Variants in FAM131B observed in about 807,000 individuals in gnomAD.
The protein encoded by FAM131B is protein FAM131B.
In FAM131B, 19 loss-of-function variants were observed where a neutral mutation model predicts 42.0. That is an observed-to-expected ratio of 0.45 (90% confidence interval 0.32 to 0.66). FAM131B has a LOEUF of 0.66. Among genes scored for constraint, FAM131B ranks in the 30% least tolerant of loss-of-function variants. The probability of loss-of-function intolerance (pLI) is 0.05; values close to 1 mark genes in which losing one functional copy is unlikely to be tolerated. For missense variants in FAM131B, 370 were observed against 468.4 expected (o/e 0.79, Z 1.94); for synonymous variants, 183 against 177.6 (o/e 1.03, Z -0.24).
chr7:143,376,830 A>G, the FAM131B span, among the ~76,000 whole-genome samples: 2 of 152,220 alleles, frequency 1.3e-5, no homozygotes, highest in Non-Finnish European at 2.9e-5. Context: ...GGAAAAAGAT[A>G]CAACGGCTCT....
rs1210136936 is a variant in FAM131B at position 143,354,384 on chromosome 7, C to T, written c.*2166G>A. On this transcript the variant is annotated 3_prime_UTR_variant, in exon 7 of 7. Coordinates refer to ENST00000443739, the MANE Select transcript of FAM131B (RefSeq NM_001031690.3). ...AAACGAACTGTAATGAATGAACGCA[C>T]TCACTAGGTGAGCTGTCCACCGTGG... 1 of 152,230 alleles carries T rather than the reference C, an allele frequency of 6.6e-6. No individual in the cohort carries two copies. Among genetic ancestry groups the T allele is most frequent in the Non-Finnish European group, 1.5e-5 (1 of 68,078 alleles). The allele number at this position is 152,230 out of a possible 1,614,324, so 9.4% of individuals were successfully genotyped here.
upstream of FAM131B, among the ~76,000 whole-genome samples, chr7:143,363,622 C>T (rs1454691515): frequency 2.0e-5 from 3 of 152,112 alleles, no homozygotes; most frequent in Non-Finnish European, 4.4e-5. Flanking sequence ...GTTAAATGAG[C>T]ACTGTGGTTA....
Position 143,359,598 on chromosome 7 carries a change from G to T in FAM131B, c.174+134C>A. 2.0e-6 allele frequency: 2 copies of T among 1,013,560 alleles called. No individual in the cohort carries two copies. The highest frequency in any genetic ancestry group is 3.0e-6 in the Non-Finnish European group (2 of 655,784). 62.8% of individuals were successfully genotyped at this position (1,013,560 alleles called of 1,614,324 possible). A position where few individuals can be genotyped will look rare whatever the true frequency, so the allele number is the denominator to read the frequency against. On this transcript the variant is annotated intron_variant, in intron 3 of 6. Transcript: ENST00000443739. The surrounding 1 kb of genome is among the most constrained non-coding windows in gnomAD (Gnocchi z 5.4). ...ATCCCCAGTGCTCTGGAAAACTGGG[G>T]CACAGGTTGAGAACGTGAGTGCTCA... is the stretch of plus-strand genomic sequence containing the variant.
At chr7:143,377,023 G>A in the FAM131B span, among the ~76,000 whole-genome samples, 1 of 152,180 alleles carries the variant, frequency 6.6e-6, no homozygotes, top group African/African-American at 2.4e-5. Context: ...AGGATGGAGT[G>A]CAGTGGCACG....
chr7:143,372,968 T>C, the FAM131B span, among the ~76,000 whole-genome samples: 4 of 151,620 alleles, frequency 2.6e-5, no homozygotes, highest in Non-Finnish European at 4.4e-5. Context: ...GTCAAAAACA[T>C]TAAAAAATAA....
upstream of FAM131B, chr7:143,362,847 G>A (rs1249877455): frequency 2.7e-5 from 4 of 149,890 alleles, no homozygotes; most frequent in South Asian, 1.8e-4. This position sits in a 1 kb window ranked among gnomAD's most constrained non-coding sequence, Gnocchi z 7.7. Context: ...GGGGCGGCCC[G>A]GGGATTGGCT....
At position 143,357,264 on chromosome 7, in the gene FAM131B, C is replaced by A; in HGVS notation, c.610+16G>T. ...CCTCATAGGCTCCAGAGTTTGGATT[C>A]TGGAACATCTCTCACCCTGACTGTC... On this transcript the variant is annotated intron_variant, in intron 6 of 6. Transcript: ENST00000443739. 2 of 1,613,108 alleles carry A rather than the reference C, an allele frequency of 1.2e-6. No individual in the cohort carries two copies. Among genetic ancestry groups the A allele is most frequent in the Non-Finnish European group, 1.7e-6 (2 of 1,179,612 alleles).
chr7:143,358,043 G>C lies in FAM131B; in HGVS notation c.467-620C>G, dbSNP rs1803758796. 6.6e-6 allele frequency among the ~76,000 whole-genome samples: 1 copy of C among 152,146 alleles called. No individual in the cohort carries two copies. Among genetic ancestry groups the C allele is most frequent in the African/African-American group, 2.4e-5 (1 of 41,420 alleles). On this transcript the variant is annotated intron_variant, in intron 5 of 6. Coordinates refer to ENST00000443739, the MANE Select transcript of FAM131B (RefSeq NM_001031690.3). The surrounding 1 kb of genome is among the most constrained non-coding windows in gnomAD (Gnocchi z 4.7). ...GAGAACCCCCAAGAGAGCATCGTGGGCTTGTGGGTCCACCATAATATAAAA... is the reference window on the plus strand; with the variant it reads ...GAGAACCCCCAAGAGAGCATCGTGGCCTTGTGGGTCCACCATAATATAAAA...
At chr7:143,372,456 A>G in the FAM131B span, among the ~76,000 whole-genome samples, 1 of 152,298 alleles carries the variant, frequency 6.6e-6, no homozygotes, top group South Asian at 2.1e-4. Flanking sequence ...AAATAGAAGG[A>G]GCTGGTTGGA....
At chr7:143,362,817 G>A (rs1360651137), upstream of FAM131B, 5 of 155,330 alleles carry the variant, frequency 3.2e-5, no homozygotes, top group East Asian at 5.9e-4. The surrounding 1 kb of genome is among the most constrained non-coding windows in gnomAD (Gnocchi z 7.7). Context: ...GCCCCGGCTC[G>A]GCTCGCCGCG....
the FAM131B span, chr7:143,382,302 C>A: frequency 6.8e-6 from 11 of 1,611,800 alleles, no homozygotes; most frequent in South Asian, 1.1e-5. Flanking sequence ...GCAGAGGGTG[C>A]TCTGGGAGGT....
rs139118461 is a variant in FAM131B, at chr7:143,360,069, C to A, written c.109G>T (p.Gly37Trp). Residue 37 changes from glycine to tryptophan, a missense_variant, in exon 2 of 7, where the codon GGG becomes TGG. Physicochemically the swap from Gly to Trp is radical, Grantham distance 184. Coordinates refer to ENST00000443739, the MANE Select transcript of FAM131B (RefSeq NM_001031690.3). ...GTCGATGGCCGATGGAGGCTGCTCC[C>A]GTGCAGTGAGCTGGTGCTGTCCATG... ...INMDSTSSLHGSSLHRPSTEQ... is the reference protein window; with the variant it reads ...INMDSTSSLHWSSLHRPSTEQ... 8 of 1,613,726 alleles carry A rather than the reference C, an allele frequency of 5.0e-6. No homozygotes were observed. The highest frequency in any genetic ancestry group is 6.8e-6 in the Non-Finnish European group (8 of 1,179,898).
chr7:143,370,867 C>G, the FAM131B span, among the ~76,000 whole-genome samples: 1 of 152,120 alleles, frequency 6.6e-6, no homozygotes, highest in Non-Finnish European at 1.5e-5. Flanking sequence ...TCCAAGAACC[C>G]TCTCTTGGGG....
At position 143,359,256 on chromosome 7, in the gene FAM131B, C is replaced by A. The variant is rs1803834353; in HGVS notation, c.268+70G>T. 1.6e-6 allele frequency: 2 copies of A among 1,276,818 alleles called. No homozygotes were observed. The highest frequency in any genetic ancestry group is 3.8e-5 in the Admixed American group (2 of 52,232). The allele number at this position is 1,276,818 out of a possible 1,614,324, so 79.1% of individuals were successfully genotyped here. ...AGGGTCTTCATCAACCTCGAAGGAG[C>A]AGGGAGACTGAGCCAAGGAGTCTGT... On this transcript the variant is annotated intron_variant, in intron 4 of 6. Coordinates refer to ENST00000443739, the MANE Select transcript of FAM131B (RefSeq NM_001031690.3). This position sits in a 1 kb window ranked among gnomAD's most constrained non-coding sequence, Gnocchi z 5.4.
the FAM131B span, chr7:143,382,021 C>T: frequency 1.6e-6 from 1 of 606,628 alleles, no homozygotes; most frequent in South Asian, 2.2e-5. Context: ...TCTTCCCCTC[C>T]GGGTCCGTTT....
the FAM131B span, chr7:143,380,256 G>C: frequency 2.6e-5 from 25 of 968,064 alleles, no homozygotes; most frequent in Non-Finnish European, 9.8e-6. The surrounding 1 kb of genome is among the most constrained non-coding windows in gnomAD (Gnocchi z 5.0). Flanking sequence ...AAAAGAACTA[G>C]AAGAATTACC....
chr7:143,380,623 G>A, the FAM131B span: 1 of 985,538 alleles, frequency 1.0e-6, no homozygotes, highest in Non-Finnish European at 1.2e-6. The surrounding 1 kb of genome is among the most constrained non-coding windows in gnomAD (Gnocchi z 5.0). Flanking sequence ...TGCTGGCTGG[G>A]GCGCTGGGGA....
intron 1 of FAM131B, chr7:143,360,437 C>T: frequency 7.9e-7 from 1 of 1,258,626 alleles, no homozygotes; most frequent in South Asian, 1.7e-5. Context: ...ATTATTCCGT[C>T]CTGAGGACTC....
the FAM131B span, among the ~76,000 whole-genome samples, chr7:143,371,185 G>A: frequency 4.6e-3 from 698 of 152,192 alleles, 3 homozygotes; most frequent in Middle Eastern, 0.014. Context: ...CTGCTGTCAC[G>A]GAGCTTATAG....
Sources: gnomAD v4.1 joint callset for allele counts (sites outside exome capture counted in the v4.1 genomes callset) on GRCh38, gnomAD v4.1.1 for gene constraint, Gnocchi (gnomAD v3.1) non-coding constraint, MANE v1.5 for transcripts, NCBI Gene and HGNC (gene_info 2026-07-23, HGNC 2026-07-21) for gene names.